The following NBEAL1 variants were observed in gnomAD, a reference collection of about 807,000 sequenced individuals.
NBEAL1 encodes the protein neurobeachin like 1, also known as neurobeachin-like protein 1.
Under a neutral mutation model 351.3 loss-of-function variants are expected in NBEAL1, and 273 were observed. The observed-to-expected ratio is 0.78, with a 90% confidence interval of 0.70 to 0.86. The LOEUF is 0.86. NBEAL1 is among the 40% of genes least tolerant of loss of function. The pLI is 0.00. For missense variants in NBEAL1, 2,961 were observed against 3,201.3 expected (o/e 0.92, Z 1.81); for synonymous variants, 1,050 against 1,086.4 (o/e 0.97, Z 0.66).
At chr2:203,116,789 CAAA>C (rs34559564) in intron 18 of NBEAL1, among the ~76,000 whole-genome samples, 12 of 100,640 alleles carry the variant, frequency 1.2e-4, no homozygotes, top group Admixed American at 3.2e-4. Flanking sequence ...GACCCTGTCT[CAAA>C]AAAAAAAAAA....
chr2:203,175,002 G>T, intron 41 of NBEAL1, 145 bp from the exon 42 acceptor site: 1 of 657,710 alleles, frequency 1.5e-6, no homozygotes. Context: ...ATGGTATAAT[G>T]ATATGAATAC....
At chr2:203,143,994 G>A (rs561585004) in intron 31 of NBEAL1, among the ~76,000 whole-genome samples, 21 of 151,940 alleles carry the variant, frequency 1.4e-4, no homozygotes, top group Admixed American at 6.6e-4. Context: ...GGTGGATCAC[G>A]AGGTCAGGAG....
chr2:203,174,605 A>G (rs1285249506), intron 41 of NBEAL1, among the ~76,000 whole-genome samples: 1 of 152,106 alleles, frequency 6.6e-6, no homozygotes, highest in East Asian at 1.9e-4. Flanking sequence ...AACAAAAACT[A>G]TTCCAGGCTG....
At chr2:203,217,115 T>C in intron 55 of NBEAL1, 138 bp from the exon 56 acceptor site, 1 of 561,616 alleles carries the variant, frequency 1.8e-6, no homozygotes, top group Non-Finnish European at 2.7e-6. Context: ...TCTTTCTCTA[T>C]TATTGATAAC....
In NBEAL1 at chr2:203,083,393, C is replaced by T. The variant is rs148953056; in HGVS notation, c.859C>T (p.Arg287Cys). 4.5e-6 allele frequency: 7 copies of T among 1,555,326 alleles called. No individual in the cohort carries two copies. The East Asian group carries it at 1.4e-4, about 32-fold the overall frequency. ...CCTTCTCAGTAGCAACTCTGATCAGCGTCAAGTGGAAACCAGTACTATTCT... is the reference window on the plus strand; with the variant it reads ...CCTTCTCAGTAGCAACTCTGATCAGTGTCAAGTGGAAACCAGTACTATTCT... The part of the protein sequence containing the change: ...HILLSSNSDQ[R>C]QVETSTILEN... The change falls in exon 9 of 56, where the codon CGT becomes TGT. Residue 287 changes from arginine (R) to cysteine (C), a missense_variant. Coordinates refer to ENST00000683969, the MANE Select transcript of NBEAL1 (RefSeq NM_001378026.1).
At chr2:203,109,220 G>A (rs1399251106) in intron 14 of NBEAL1, among the ~76,000 whole-genome samples, 1 of 152,128 alleles carries the variant, frequency 6.6e-6, no homozygotes, top group African/African-American at 2.4e-5. Context: ...AGCTGGGCGT[G>A]GTGGCACATG....
Position 203,126,007 on chromosome 2 carries a change from A to G in NBEAL1, c.2899A>G (p.Lys967Glu). ...AGTTGCAACATTTATCTTAATTGTG[A>G]AACATTTTATTCAGAGACATCCTAT... ...NLVATFILIV[K>E]HFIQRHPINQ... Residue 967 changes from lysine to glutamate, a missense_variant, in exon 21 of 56, where the codon AAA becomes GAA. Coordinates refer to ENST00000683969, the MANE Select transcript of NBEAL1 (RefSeq NM_001378026.1). 1 of 1,545,016 alleles carries G rather than the reference A, an allele frequency of 6.5e-7. No individual in the cohort carries two copies. Among genetic ancestry groups the G allele is most frequent in the Non-Finnish European group, 8.7e-7 (1 of 1,144,244 alleles).
intron 31 of NBEAL1, among the ~76,000 whole-genome samples, chr2:203,139,333 T>G (rs2063304254): frequency 6.6e-6 from 1 of 152,070 alleles, no homozygotes; most frequent in African/African-American, 2.4e-5. Context: ...GTCTCTCACT[T>G]TTCTAGTTAC....
chr2:203,192,584 C>T (rs1315820894), intron 46 of NBEAL1, among the ~76,000 whole-genome samples: 1 of 151,928 alleles, frequency 6.6e-6, no homozygotes, highest in African/African-American at 2.4e-5. Context: ...CGGGGTTTTG[C>T]CATGTTGGGC....
chr2:203,136,012 T>G lies in NBEAL1; in HGVS notation c.4149T>G (p.Ser1383=), dbSNP rs555982969. ...FPEDSSVGEL[S]FKSENQEEFW... is the part of the protein sequence containing the mutation. The stretch of plus-strand genomic sequence containing the variant: ...AAGATAGCTCTGTGGGAGAATTGTC[T>G]TTCAAATCAGAGAATCAAGAGGAAT... Residue 1383 remains serine, a synonymous_variant, in exon 28 of 56, where the codon TCT becomes TCG. Transcript: ENST00000683969. 1.2e-6 allele frequency: 2 copies of G among 1,613,678 alleles called. No homozygotes were observed. The highest frequency in any genetic ancestry group is 1.7e-6 in the Non-Finnish European group (2 of 1,179,758).
chr2:203,101,870 A>T (rs2062333545), intron 12 of NBEAL1, among the ~76,000 whole-genome samples: 1 of 152,228 alleles, frequency 6.6e-6, no homozygotes, highest in Non-Finnish European at 1.5e-5. Context: ...TGCTGGGATT[A>T]CAGGCGTGAG....
In NBEAL1 at chr2:203,219,329, A is replaced by G. The variant is rs1304471133; in HGVS notation, c.*1975A>G. 3.3e-5 allele frequency: 5 copies of G among 152,100 alleles called. No individual in the cohort carries two copies. Among genetic ancestry groups the G allele is most frequent in the Non-Finnish European group, 7.4e-5 (5 of 68,010 alleles). The allele number at this position is 152,100 out of a possible 1,614,324, so 9.4% of individuals were successfully genotyped here. On this transcript the variant is annotated 3_prime_UTR_variant, in exon 56 of 56. Transcript: ENST00000683969. ...CATTTTTAAGATTACTTAATACTGG[A>G]TTTGAAAATTATTTTGGATGCTTAT...
intron 11 of NBEAL1, 85 bp downstream of exon 11, chr2:203,097,718 T>C (rs2062212983): frequency 3.1e-6 from 1 of 325,092 alleles, no homozygotes. Flanking sequence ...TCTTCTTATG[T>C]CCTAAAATAC....
chr2:203,210,182 G>A (rs527785063), intron 53 of NBEAL1, among the ~76,000 whole-genome samples: 110 of 151,952 alleles, frequency 7.2e-4, no homozygotes, highest in Middle Eastern at 6.8e-3. Context: ...GGCCAACATG[G>A]TGAAACCCCA....
chr2:203,209,414 A>G (rs1224025914), intron 53 of NBEAL1, 92 bp downstream of exon 53: 2 of 945,290 alleles, frequency 2.1e-6, no homozygotes, highest in South Asian at 2.0e-5. Flanking sequence ...GAAGGAAAGA[A>G]CACCATATTT....
intron 37 of NBEAL1, among the ~76,000 whole-genome samples, chr2:203,166,712 A>C (rs1387267463): frequency 3.3e-5 from 5 of 151,292 alleles, no homozygotes; most frequent in Non-Finnish European, 5.9e-5. Flanking sequence ...ACGCCCAGCT[A>C]ATTTTGTATT....
rs534185079 is a variant in NBEAL1, at chr2:203,102,485, G to T, written c.1269+2773G>T. ...TCTTATTTTGAAGTATGTTCCTTCA[G>T]TGCCTAGTTTGTTGAGGGTTTTTAA... On this transcript the variant is annotated intron_variant, in intron 12 of 55. Coordinates refer to ENST00000683969, the MANE Select transcript of NBEAL1 (RefSeq NM_001378026.1). Among the ~76,000 whole-genome samples, 6 of 152,276 alleles carry T rather than the reference G, an allele frequency of 3.9e-5. No individual in the cohort carries two copies. The East Asian group carries it at 9.6e-4, about 24-fold the overall frequency.
At position 203,099,802 on chromosome 2, in the gene NBEAL1, T is replaced by C. The variant is rs924147444; in HGVS notation, c.1269+90T>C. ...GTGCAGGTTTGTTATATAGGTAAATTGGATATCATGGGGATTTGGTGTACA... is the reference window on the plus strand; with the variant it reads ...GTGCAGGTTTGTTATATAGGTAAATCGGATATCATGGGGATTTGGTGTACA... On this transcript the variant is annotated intron_variant, in intron 12 of 55. Coordinates refer to ENST00000683969, the MANE Select transcript of NBEAL1 (RefSeq NM_001378026.1). The C allele has an allele frequency of 1.1e-5, 9 of 787,800 alleles. No individual in the cohort carries two copies. In the African/African-American group the frequency reaches 1.4e-4, roughly 12 times the overall value. 48.8% of individuals were successfully genotyped at this position (787,800 alleles called of 1,614,324 possible).
intron 35 of NBEAL1, 74 bp from the exon 36 acceptor site, chr2:203,157,625 C>T (rs2063830702): frequency 1.0e-5 from 11 of 1,093,914 alleles, no homozygotes; most frequent in African/African-American, 1.6e-5. Context: ...ACACAATTAG[C>T]AGTCAGAAAT....
Sources: gnomAD v4.1 joint callset for allele counts (sites outside exome capture counted in the v4.1 genomes callset) on GRCh38, gnomAD v4.1.1 for gene constraint, MANE v1.5 for transcripts, NCBI Gene and HGNC (gene_info 2026-07-23, HGNC 2026-07-21) for gene names.